RSPH6A: variants seen among roughly 807,000 people sequenced by gnomAD.
The protein encoded by RSPH6A is radial spoke head protein 6 homolog A.
In RSPH6A, 49 loss-of-function variants were observed where a neutral mutation model predicts 66.1. The observed-to-expected ratio is 0.74, with a 90% CI of 0.59 to 0.94. The LOEUF (loss-of-function observed/expected upper bound fraction) is 0.94. Among genes scored for constraint, RSPH6A ranks in the 40% least tolerant of loss-of-function variants. The probability of loss-of-function intolerance (pLI) is 0.00; values close to 1 mark genes in which losing one functional copy is unlikely to be tolerated. For missense variants in RSPH6A, 977 were observed against 948.3 expected (o/e 1.03, Z -0.40); for synonymous variants, 419 against 402.4 (o/e 1.04, Z -0.49).
chr19:45,810,651 G>C lies in RSPH6A; in HGVS notation c.840C>G (p.Thr280=), dbSNP rs1483278780. 6.2e-7 allele frequency: 1 copy of C among 1,613,974 alleles called. No individual in the cohort carries two copies. The highest frequency in any genetic ancestry group is 8.5e-7 in the Non-Finnish European group (1 of 1,180,002). ...CGCCTTCAGTGCCGCCTCCACTCCG[G>C]GTGAACAGCGCCTTCTGTTTCTCCG... is the stretch of plus-strand genomic sequence containing the variant. The part of the protein sequence containing the change: ...KMAEKQKALF[T]RSGGGTEGEQ... Residue 280 remains threonine, a synonymous_variant, in exon 2 of 6, where the codon ACC becomes ACG. Transcript: ENST00000221538.
Position 45,804,799 on chromosome 19 carries a change from G to GCCT in RSPH6A, c.1103_1105dup (p.Glu368dup). ...CATCTCCTCCACCTCCTCCTCCTCT[G>GCCT]CCTCCTCCTCGCCCTCCCGGAATTC... On this transcript the variant is annotated inframe_insertion, in exon 3 of 6. Coordinates refer to ENST00000221538, the MANE Select transcript of RSPH6A (RefSeq NM_030785.4). The surrounding 1 kb of genome is among the most constrained non-coding windows in gnomAD (Gnocchi z 5.8). 1 of 1,613,054 alleles carries GCCT rather than the reference G, an allele frequency of 6.2e-7. No homozygotes were observed. Among genetic ancestry groups the GCCT allele is most frequent in the South Asian group, 1.1e-5 (1 of 91,014 alleles).
chr19:45,806,670 C>CAA lies in RSPH6A; in HGVS notation c.889-1656_889-1655dup, dbSNP rs71175223. On this transcript the variant is annotated intron_variant, in intron 2 of 5. Coordinates refer to ENST00000221538, the MANE Select transcript of RSPH6A (RefSeq NM_030785.4). The stretch of plus-strand genomic sequence containing the variant: ...TGGGTGACAGAGTGAGACTCTGTCT[C>CAA]AAAAAAAAAAAAAAAAAAAAAAAAA... Among the ~76,000 whole-genome samples, 66 of 29,150 alleles carry CAA rather than the reference C, an allele frequency of 2.3e-3. 10 individuals are homozygous for CAA. Among genetic ancestry groups the CAA allele is most frequent in the East Asian group, 2.8e-3 (2 of 718 alleles). The allele number at this position is 29,150 out of a possible 152,430, so 19.1% of individuals were successfully genotyped here.
intron 2 of RSPH6A, among the ~76,000 whole-genome samples, chr19:45,806,209 C>T (rs1184517598): frequency 1.3e-5 from 2 of 152,042 alleles, no homozygotes; most frequent in South Asian, 2.1e-4. Flanking sequence ...GTCTTCACTG[C>T]CTCCATCTAT....
At chr19:45,808,551 C>A (rs1970576563) in intron 2 of RSPH6A, among the ~76,000 whole-genome samples, 1 of 151,606 alleles carries the variant, frequency 6.6e-6, no homozygotes, top group Middle Eastern at 3.2e-3. Flanking sequence ...TGAGTTCACA[C>A]CACTGTATTC....
chr19:45,805,847 T>G (rs1232515575), intron 2 of RSPH6A, among the ~76,000 whole-genome samples: 12 of 152,212 alleles, frequency 7.9e-5, no homozygotes, highest in African/African-American at 2.9e-4. Flanking sequence ...GAGAAAATTT[T>G]TCTTGCCTTT....
chr19:45,802,370 C>A (rs1370585136), intron 3 of RSPH6A, 106 bp from the exon 4 acceptor site: 1 of 1,075,238 alleles, frequency 9.3e-7, no homozygotes, highest in Non-Finnish European at 1.2e-6. Context: ...CCTCAGAGAC[C>A]CAGGCACAGG....
chr19:45,800,414 C>T (rs553214585), intron 5 of RSPH6A, 32 bp downstream of exon 5: 1 of 1,591,542 alleles, frequency 6.3e-7, no homozygotes, highest in African/African-American at 1.3e-5. Flanking sequence ...CTGAGAGATT[C>T]TCCTGCTGGG....
At position 45,804,687 on chromosome 19, in the gene RSPH6A, G is replaced by A. The variant is rs868846073; in HGVS notation, c.1218C>T (p.Ser406=). The A allele has an allele frequency of 3.7e-5, 59 of 1,613,766 alleles. No individual in the cohort carries two copies. The highest frequency in any genetic ancestry group is 4.9e-5 in the Non-Finnish European group (58 of 1,180,004). Residue 406 remains serine, a synonymous_variant, in exon 3 of 6, where the codon TCC becomes TCT. Coordinates refer to ENST00000221538, the MANE Select transcript of RSPH6A (RefSeq NM_030785.4). The surrounding 1 kb of genome is among the most constrained non-coding windows in gnomAD (Gnocchi z 5.8). The part of the protein sequence containing the change: ...EEKAVDIVPK[S]VWKPPPVIPK... The stretch of plus-strand genomic sequence containing the variant: ...GGATCACGGGCGGCGGCTTCCATAC[G>A]GACTTAGGGACGATGTCCACGGCCT...
At chr19:45,803,935 GTGAGCC>G (rs1970505325) in intron 3 of RSPH6A, among the ~76,000 whole-genome samples, 1 of 149,058 alleles carries the variant, frequency 6.7e-6, no homozygotes, top group South Asian at 2.1e-4. Context: ...GGAGGTTGCA[GTGAGCC>G]GAGATCGTAC....
Position 45,815,171 on chromosome 19 carries a change from TC to T in RSPH6A, c.5del (p.Gly2GlufsTer69). 6.3e-7 allele frequency: 1 copy of T among 1,598,256 alleles called. No individual in the cohort carries two copies. On this transcript the variant is annotated frameshift_variant, in exon 1 of 6. Coordinates refer to ENST00000221538, the MANE Select transcript of RSPH6A (RefSeq NM_030785.4). LOFTEE classifies it high-confidence loss of function. Reference sequence around the variant, plus strand: ...GGCGCTCAGGGTAGGGCGGCAGGTCTCCCATGGTTCGCCAGGAGGCACAGAT... The same window carrying T: ...GGCGCTCAGGGTAGGGCGGCAGGTCTCCATGGTTCGCCAGGAGGCACAGAT... MGDLPPYPERPA... is the reference protein window; with the variant it reads MXDLPPYPERPA...
At chr19:45,806,774 C>G (rs1450145736) in intron 2 of RSPH6A, among the ~76,000 whole-genome samples, 1 of 151,150 alleles carries the variant, frequency 6.6e-6, no homozygotes, top group East Asian at 1.9e-4. Flanking sequence ...TCTGCACGGG[C>G]CACACACCAA....
chr19:45,810,942 T>A, intron 1 of RSPH6A, 102 bp from the exon 2 acceptor site: 2 of 867,088 alleles, frequency 2.3e-6, no homozygotes, highest in Non-Finnish European at 3.5e-6. Context: ...GGGGACACAG[T>A]AGGGAACTGA....
intron 5 of RSPH6A, among the ~76,000 whole-genome samples, chr19:45,797,253 G>A (rs955041131): frequency 7.3e-5 from 11 of 150,940 alleles, no homozygotes; most frequent in African/African-American, 2.0e-4. Context: ...GGTGGCAGGC[G>A]CCTGTAGTCC....
In RSPH6A at chr19:45,810,800, G is replaced by A; in HGVS notation, c.691C>T (p.Gln231Ter). 1 of 1,613,202 alleles carries A rather than the reference G, an allele frequency of 6.2e-7. No individual in the cohort carries two copies. Among genetic ancestry groups the A allele is most frequent in the East Asian group, 2.2e-5 (1 of 44,836 alleles). ...LVNLLTKILN[Q>*]RPEDPLSVLE... ...ACAGACAAGGGGTCCTCAGGCCGCTGGTTCAGGATCTTGGTCAGCAGATTC... is the reference window on the plus strand; with the variant it reads ...ACAGACAAGGGGTCCTCAGGCCGCTAGTTCAGGATCTTGGTCAGCAGATTC... The change falls in exon 2 of 6, where the codon CAG (glutamine) becomes TAG (stop). Residue 231 changes from glutamine to a stop codon, truncating the protein, a stop_gained. Transcript: ENST00000221538. LOFTEE classifies it high-confidence loss of function.
In RSPH6A at chr19:45,812,351, A is replaced by G. The variant is rs550185910; in HGVS notation, c.651-1511T>C. On this transcript the variant is annotated intron_variant, in intron 1 of 5. Transcript: ENST00000221538. ...TGATCTGCCTGCCTCAGCCTCCCCA[A>G]CTGCTGGGATTACAGGCGTGAGCCA... Among the ~76,000 whole-genome samples the G allele has an allele frequency of 8.6e-5, 13 of 151,998 alleles. 1 individual carries two copies. In the East Asian group the frequency reaches 9.7e-4, roughly 11 times the overall value.
chr19:45,813,374 C>T (rs926623371), intron 1 of RSPH6A, among the ~76,000 whole-genome samples: 1 of 151,982 alleles, frequency 6.6e-6, no homozygotes, highest in Non-Finnish European at 1.5e-5. Context: ...GATGGAGTCT[C>T]GCTCTGTTGC....
intron 4 of RSPH6A, among the ~76,000 whole-genome samples, chr19:45,801,051 G>GC (rs1970468107): frequency 1.3e-5 from 2 of 152,118 alleles, no homozygotes; most frequent in Non-Finnish European, 2.9e-5. Flanking sequence ...ACCCGCCTCA[G>GC]CCCCCCAAAG....
chr19:45,804,704 C>G lies in RSPH6A; in HGVS notation c.1201G>C (p.Asp401His), dbSNP rs1250257320. 1.2e-6 allele frequency: 2 copies of G among 1,613,434 alleles called. No individual in the cohort carries two copies. Among genetic ancestry groups the G allele is most frequent in the Non-Finnish European group, 8.5e-7 (1 of 1,179,988 alleles). Residue 401 changes from aspartate to histidine, a missense_variant, in exon 3 of 6, where the codon GAC becomes CAC. Physicochemically the swap from Asp to His is moderately conservative, Grantham distance 81. Transcript: ENST00000221538. The surrounding 1 kb of genome is among the most constrained non-coding windows in gnomAD (Gnocchi z 5.8). ...EGEEDEEKAVDIVPKSVWKPP... is the reference protein window; with the variant it reads ...EGEEDEEKAVHIVPKSVWKPP... Reference sequence around the variant, plus strand: ...TTCCATACGGACTTAGGGACGATGTCCACGGCCTTCTCCTCGTCCTCCTCG... The same window carrying G: ...TTCCATACGGACTTAGGGACGATGTGCACGGCCTTCTCCTCGTCCTCCTCG...
chr19:45,814,281 C>T (rs544302909), intron 1 of RSPH6A, among the ~76,000 whole-genome samples: 2 of 152,300 alleles, frequency 1.3e-5, no homozygotes, highest in South Asian at 4.1e-4. Context: ...TCGGTCTCCT[C>T]CTCTGTAAAG....
Sources: gnomAD v4.1 joint callset for allele counts (sites outside exome capture counted in the v4.1 genomes callset) on GRCh38, gnomAD v4.1.1 for gene constraint, Gnocchi (gnomAD v3.1) non-coding constraint, MANE v1.5 for transcripts, NCBI Gene and HGNC (gene_info 2026-07-23, HGNC 2026-07-21) for gene names.